The following CPA6 variants were observed in gnomAD, a reference collection of about 807,000 sequenced individuals.
The protein encoded by CPA6 is carboxypeptidase A6.
CPA6 carries 58 observed loss-of-function variants against 63.3 expected under a neutral mutation model. That is an observed-to-expected ratio of 0.92 (90% CI 0.74 to 1.14). CPA6 has a LOEUF of 1.14. Ranked by LOEUF, CPA6 falls within the 50% of genes most tolerant of loss-of-function variation. CPA6 has a pLI of 0.00. For missense variants in CPA6, 565 were observed against 526.6 expected (o/e 1.07, Z -0.71); for synonymous variants, 185 against 179.0 (o/e 1.03, Z -0.27).
chr8:67,448,732 C>T (rs1034313741), intron 8 of CPA6, among the ~76,000 whole-genome samples: 1 of 150,622 alleles, frequency 6.6e-6, no homozygotes, highest in Non-Finnish European at 1.5e-5. Flanking sequence ...AAAGTTTTCC[C>T]TATCCTTAAA....
chr8:67,683,645 T>C lies in CPA6; in HGVS notation c.117-59394A>G, dbSNP rs144427700. On this transcript the variant is annotated intron_variant, in intron 1 of 10. Transcript: ENST00000297770. The stretch of plus-strand genomic sequence containing the variant: ...TGTCTATTGCAGTCTCTTTGCCTTA[T>C]ATTTATTTGGCCCAAGAGAAACCCT... 3.0e-4 allele frequency among the ~76,000 whole-genome samples: 45 copies of C among 152,318 alleles called. 1 individual carries two copies. Among genetic ancestry groups the C allele is most frequent in the African/African-American group, 1.1e-3 (45 of 41,574 alleles).
intron 2 of CPA6, among the ~76,000 whole-genome samples, chr8:67,609,017 C>T (rs546976403): frequency 1.4e-3 from 216 of 152,346 alleles, no homozygotes; most frequent in African/African-American, 4.4e-3. Flanking sequence ...CCAGAGTCCT[C>T]CCATCCCAAT....
intron 8 of CPA6, among the ~76,000 whole-genome samples, chr8:67,463,461 AATAAATAAATAAATAG>A (rs1432267797): frequency 7.3e-6 from 1 of 136,380 alleles, no homozygotes; most frequent in African/African-American, 3.4e-5. Context: ...AAAATAAATA[AATAAATAAATAAATAG>A]ATAAATAAAA....
At chr8:67,699,457 G>C (rs1373424739) in intron 1 of CPA6, among the ~76,000 whole-genome samples, 1 of 151,718 alleles carries the variant, frequency 6.6e-6, no homozygotes, top group Non-Finnish European at 1.5e-5. Flanking sequence ...CAAAACAGGA[G>C]GGGGGGATGT....
rs1815337572 is a variant in CPA6, at chr8:67,631,776, T to G, written c.117-7525A>C. Among the ~76,000 whole-genome samples the G allele has an allele frequency of 3.3e-5, 5 of 152,314 alleles. No individual in the cohort carries two copies. The South Asian group carries it at 1.0e-3, about 32-fold the overall frequency. ...AGCTGTAACACTCACTGCGAAGATCTGCAGCTTCACTCCTGTGGCCAGCGA... is the reference window on the plus strand; with the variant it reads ...AGCTGTAACACTCACTGCGAAGATCGGCAGCTTCACTCCTGTGGCCAGCGA... On this transcript the variant is annotated intron_variant, in intron 1 of 10. Coordinates refer to ENST00000297770, the MANE Select transcript of CPA6 (RefSeq NM_020361.5).
chr8:67,723,307 C>G (rs1817536932), intron 1 of CPA6, among the ~76,000 whole-genome samples: 1 of 151,272 alleles, frequency 6.6e-6, no homozygotes, highest in Non-Finnish European at 1.5e-5. Context: ...AGGATCTTAA[C>G]TCTTAAAACT....
intron 1 of CPA6, among the ~76,000 whole-genome samples, chr8:67,678,512 A>G (rs182444456): frequency 6.6e-6 from 1 of 152,344 alleles, no homozygotes; most frequent in African/African-American, 2.4e-5. Flanking sequence ...TGGCCACTAA[A>G]CATAACAAAA....
chr8:67,431,097 C>G (rs951963104), intron 9 of CPA6, among the ~76,000 whole-genome samples: 2 of 152,112 alleles, frequency 1.3e-5, no homozygotes, highest in African/African-American at 4.8e-5. Flanking sequence ...CTCCTGGGCC[C>G]AAGCAATCCT....
rs182585797 is a variant in CPA6, at chr8:67,436,710, C to G, written c.839-2470G>C. ...ACTATATATGGTATATTTAAGAGGT[C>G]TAAGGAAGGAAGGAAGGAAAATAAG... On this transcript the variant is annotated intron_variant, in intron 8 of 10. Coordinates refer to ENST00000297770, the MANE Select transcript of CPA6 (RefSeq NM_020361.5). Among the ~76,000 whole-genome samples, 623 of 151,794 alleles carry G rather than the reference C, an allele frequency of 4.1e-3. 13 individuals carry two copies. Among genetic ancestry groups the G allele is most frequent in the African/African-American group, 0.014 (598 of 41,362 alleles).
chr8:67,434,424 T>C (rs541703726), intron 8 of CPA6, among the ~76,000 whole-genome samples, 184 bp from the exon 9 acceptor site: 1 of 152,218 alleles, frequency 6.6e-6, no homozygotes, highest in African/African-American at 2.4e-5. Flanking sequence ...GAAGTTCCCA[T>C]GCACAACAGG....
chr8:67,720,367 G>T (rs965355748), intron 1 of CPA6, among the ~76,000 whole-genome samples: 3 of 152,230 alleles, frequency 2.0e-5, no homozygotes. Context: ...GCGGATATGT[G>T]CAAGTCACAG....
At chr8:67,443,341 T>C (rs1028202132) in intron 8 of CPA6, among the ~76,000 whole-genome samples, 1 of 152,180 alleles carries the variant, frequency 6.6e-6, no homozygotes, top group African/African-American at 2.4e-5. Context: ...ATTACAGGCA[T>C]GAGCCACTGC....
chr8:67,679,742 T>C (rs904048105), intron 1 of CPA6, among the ~76,000 whole-genome samples: 1 of 152,226 alleles, frequency 6.6e-6, no homozygotes, highest in Non-Finnish European at 1.5e-5. Context: ...GCTATTGAGT[T>C]CTTTTAGTTT....
chr8:67,475,868 TTTC>T (rs1563967879), intron 8 of CPA6, among the ~76,000 whole-genome samples: 1,329 of 96,928 alleles, frequency 0.014, 38 homozygotes, highest in East Asian at 0.018. Flanking sequence ...TCTTTCTTTC[TTTC>T]TTTCTTTCTC....
At chr8:67,657,432 G>C (rs1437643948) in intron 1 of CPA6, among the ~76,000 whole-genome samples, 1 of 152,158 alleles carries the variant, frequency 6.6e-6, no homozygotes, top group Non-Finnish European at 1.5e-5. Flanking sequence ...TATAAACCTA[G>C]CAGTTTAAAA....
At chr8:67,522,214 C>A (rs1290844042) in intron 2 of CPA6, among the ~76,000 whole-genome samples, 1 of 152,120 alleles carries the variant, frequency 6.6e-6, no homozygotes. Context: ...ATTGGTCCCC[C>A]ATTCTGAGCC....
intron 8 of CPA6, among the ~76,000 whole-genome samples, chr8:67,461,732 G>A (rs28733281): frequency 3.7e-4 from 54 of 147,136 alleles, no homozygotes; most frequent in South Asian, 6.6e-4. Flanking sequence ...GGCTGGCCGG[G>A]CAGAGGGGCG....
chr8:67,462,295 C>CTG (rs1197831777), intron 8 of CPA6, among the ~76,000 whole-genome samples: 2 of 152,176 alleles, frequency 1.3e-5, no homozygotes, highest in South Asian at 2.1e-4. Context: ...CTTTGTTCAA[C>CTG]TGTGTGTGTG....
At chr8:67,661,560 C>T (rs1356562680) in intron 1 of CPA6, among the ~76,000 whole-genome samples, 1 of 152,164 alleles carries the variant, frequency 6.6e-6, no homozygotes, top group Non-Finnish European at 1.5e-5. Context: ...CTCAAGTATC[C>T]AATGAGTCCT....
Sources: allele counts gnomAD v4.1 joint callset (sites outside exome capture counted in the v4.1 genomes callset), GRCh38; gene constraint gnomAD v4.1.1; transcripts MANE v1.5; gene names NCBI Gene and HGNC (gene_info 2026-07-23, HGNC 2026-07-21).